Variants in RASGRP3 observed in about 807,000 individuals in gnomAD.
RASGRP3 encodes the protein ras guanyl-releasing protein 3.
Under a neutral mutation model 82.7 loss-of-function variants are expected in RASGRP3, and 54 were observed. That is an observed-to-expected ratio of 0.65 (90% CI 0.52 to 0.82). The LOEUF (loss-of-function observed/expected upper bound fraction) is 0.82. RASGRP3 is among the 40% of genes least tolerant of loss of function. The probability of loss-of-function intolerance (pLI) is 0.00; values close to 1 mark genes in which losing one functional copy is unlikely to be tolerated. For missense variants in RASGRP3, 861 were observed against 828.9 expected, an observed-to-expected ratio of 1.04 and a Z score of -0.48; for synonymous variants, 309 against 300.5, an observed-to-expected ratio of 1.03 and a Z score of -0.29.
chr2:33,482,472 C>A (rs915303227), intron 1 of RASGRP3: 1 of 152,216 alleles, frequency 6.6e-6, no homozygotes, highest in African/African-American at 2.4e-5. Context: ...GCAGTCTGCT[C>A]TTCAGTGTGC....
chr2:33,478,964 T>C (rs1667626638), intron 1 of RASGRP3, among the ~76,000 whole-genome samples: 1 of 152,306 alleles, frequency 6.6e-6, no homozygotes, highest in African/African-American at 2.4e-5. Context: ...TTCTTGACCA[T>C]ACGTAACACA....
intron 4 of RASGRP3, 118 bp from the exon 5 acceptor site, chr2:33,519,834 G>T: frequency 1.6e-6 from 1 of 644,074 alleles, no homozygotes; most frequent in Non-Finnish European, 2.7e-6. Flanking sequence ...CCGTATTTGA[G>T]TGTCTATATA....
At chr2:33,542,130 A>G (rs1245606695) in intron 12 of RASGRP3, among the ~76,000 whole-genome samples, 1 of 147,148 alleles carries the variant, frequency 6.8e-6, no homozygotes, top group African/African-American at 2.4e-5. Flanking sequence ...AATAAATAAT[A>G]TATAATACAT....
intron 2 of RASGRP3, among the ~76,000 whole-genome samples, chr2:33,462,235 A>G (rs1383659461): frequency 6.6e-6 from 1 of 152,124 alleles, no homozygotes; most frequent in Non-Finnish European, 1.5e-5. Context: ...TGCCATGTGA[A>G]CCCAGAACAG....
chr2:33,529,458 G>A (rs1312898395), intron 10 of RASGRP3, among the ~76,000 whole-genome samples: 3 of 108,708 alleles, frequency 2.8e-5, no homozygotes, highest in Admixed American at 1.2e-4. Flanking sequence ...TGGTGCCACT[G>A]CACTGGGCGA....
At chr2:33,445,363 G>A (rs995762602) in intron 1 of RASGRP3, among the ~76,000 whole-genome samples, 9 of 152,130 alleles carry the variant, frequency 5.9e-5, no homozygotes, top group African/African-American at 9.7e-5. Flanking sequence ...ATTCCATGAG[G>A]GTTTGGTTAT....
intron 13 of RASGRP3, among the ~76,000 whole-genome samples, chr2:33,546,205 C>T (rs1482058145): frequency 2.0e-5 from 3 of 151,798 alleles, no homozygotes; most frequent in South Asian, 2.1e-4. Context: ...GGGTGGATCA[C>T]GATGTCAGGA....
chr2:33,527,626 C>T (rs535272809), intron 10 of RASGRP3, among the ~76,000 whole-genome samples: 2 of 152,156 alleles, frequency 1.3e-5, no homozygotes, highest in East Asian at 1.9e-4. Context: ...TACCTTTGTT[C>T]GGAGGGGCCC....
intron 17 of RASGRP3, among the ~76,000 whole-genome samples, chr2:33,562,003 CTAAA>C (rs546543496): frequency 3.4e-4 from 51 of 152,082 alleles, no homozygotes; most frequent in Non-Finnish European, 1.6e-4. Flanking sequence ...GAAATGCTGA[CTAAA>C]TAAAATGGAA....
rs188063376 is a variant in RASGRP3 at position 33,458,095 on chromosome 2, T to C, written c.-261+10152T>C. 1.5e-3 allele frequency: 231 copies of C among 152,310 alleles called. 1 individual carries two copies. The highest frequency in any genetic ancestry group is 5.1e-3 in the African/African-American group (214 of 41,556). 9.4% of individuals were successfully genotyped at this position (152,310 alleles called of 1,614,324 possible). A position where few individuals can be genotyped will look rare whatever the true frequency, so the allele number is the denominator to read the frequency against. ...CTAGGAACTGCTTGCCCACTTTTTTTTGTTCTGAAAGAAAGGATACAGACC... is the reference window on the plus strand; with the variant it reads ...CTAGGAACTGCTTGCCCACTTTTTTCTGTTCTGAAAGAAAGGATACAGACC... On this transcript the variant is annotated intron_variant, in intron 2 of 18. Transcript: ENST00000402538.
intron 7 of RASGRP3, among the ~76,000 whole-genome samples, chr2:33,522,456 A>G (rs966825473): frequency 2.0e-5 from 3 of 152,214 alleles, no homozygotes; most frequent in African/African-American, 7.2e-5. Flanking sequence ...GGGAAAAAAT[A>G]TTTAGTTAGG....
At chr2:33,468,951 T>C (rs772628517) in intron 2 of RASGRP3, among the ~76,000 whole-genome samples, 2 of 152,248 alleles carry the variant, frequency 1.3e-5, no homozygotes, top group African/African-American at 2.4e-5. Flanking sequence ...CTTCCTCCTA[T>C]GTTGTACGAT....
chr2:33,459,522 C>T (rs557049360), intron 2 of RASGRP3, among the ~76,000 whole-genome samples: 3 of 152,126 alleles, frequency 2.0e-5, no homozygotes, highest in South Asian at 2.1e-4. Context: ...GTAAACAAAG[C>T]CAAACACTAA....
intron 13 of RASGRP3, among the ~76,000 whole-genome samples, chr2:33,548,619 T>A (rs1019895813): frequency 6.6e-6 from 1 of 151,936 alleles, no homozygotes; most frequent in Non-Finnish European, 1.5e-5. Flanking sequence ...AATTCTGAAC[T>A]GGAAAGGAAA....
rs762615590 is a variant in RASGRP3, at chr2:33,527,172, C to T, written c.843C>T (p.Asn281=). 5.0e-5 allele frequency: 80 copies of T among 1,613,884 alleles called. 1 individual carries two copies. Among genetic ancestry groups the T allele is most frequent in the South Asian group, 3.3e-4 (30 of 91,084 alleles). ...AAATGACAGAGTTGGTCTCCTCCAACGGCAATTACTGCAATTACCGCAAGG... is the reference window on the plus strand; with the variant it reads ...AAATGACAGAGTTGGTCTCCTCCAATGGCAATTACTGCAATTACCGCAAGG... ...WNEMTELVSS[N]GNYCNYRKAF... is the part of the protein sequence containing the mutation. Residue 281 remains asparagine (N), a synonymous_variant, in exon 10 of 18, where the codon AAC becomes AAT. Transcript: ENST00000403687.
At position 33,538,927 on chromosome 2, in the gene RASGRP3, T is replaced by C. The variant is rs1673937162; in HGVS notation, c.1162-167T>C. ...GGTGGCACACACCTGTAGTCCTAGA[T>C]ACTTGGGAGGCTGAGGTGGAAGGAT... On this transcript the variant is annotated intron_variant, in intron 11 of 17. Transcript: ENST00000403687. 2.0e-5 allele frequency among the ~76,000 whole-genome samples: 3 copies of C among 152,014 alleles called. No homozygotes were observed. In the South Asian group the frequency reaches 6.2e-4, roughly 32 times the overall value.
chr2:33,471,388 C>G (rs544909645), intron 2 of RASGRP3, among the ~76,000 whole-genome samples: 1 of 132,614 alleles, frequency 7.5e-6, no homozygotes, highest in South Asian at 2.3e-4. Context: ...CGCTATGTTG[C>G]CCCTGCTGAT....
At chr2:33,537,326 C>CA (rs200369564) in intron 11 of RASGRP3, among the ~76,000 whole-genome samples, 7 of 58,842 alleles carry the variant, frequency 1.2e-4, no homozygotes, top group African/African-American at 3.8e-4. Context: ...ACACACCGCC[C>CA]CCCCCACACA....
At chr2:33,501,800 G>A (rs1334380887) in intron 1 of RASGRP3, among the ~76,000 whole-genome samples, 2 of 152,186 alleles carry the variant, frequency 1.3e-5, no homozygotes, top group Non-Finnish European at 2.9e-5. Context: ...CAGATGAGAC[G>A]ATGAGGTATG....
Sources: allele counts gnomAD v4.1 joint callset (sites outside exome capture counted in the v4.1 genomes callset), GRCh38; gene constraint gnomAD v4.1.1; transcripts MANE v1.5; gene names NCBI Gene and HGNC (gene_info 2026-07-23, HGNC 2026-07-21).